RBFOX1: variants seen among roughly 807,000 people sequenced by gnomAD.
RBFOX1 encodes the protein RNA binding protein fox-1 homolog 1.
A neutral mutation model predicts 57.7 loss-of-function variants in RBFOX1; 8 were observed. The ratio of observed to expected loss-of-function variants is 0.14; its 90% CI spans 0.08 to 0.25. The LOEUF is 0.25. RBFOX1 is among the 10% of genes least tolerant of loss of function. The pLI, the probability that RBFOX1 is intolerant of heterozygous loss-of-function variation, is 1.00. For missense variants in RBFOX1, 611 were observed against 548.5 expected (o/e 1.11, Z -1.14); for synonymous variants, 326 against 222.4 (o/e 1.47, Z -4.15).
intron 4 of RBFOX1, among the ~76,000 whole-genome samples, chr16:7,258,435 T>G (rs1033149226): frequency 2.6e-5 from 4 of 152,206 alleles, no homozygotes; most frequent in African/African-American, 9.6e-5. Flanking sequence ...GTGCATTATT[T>G]GCCTGTTTCA....
At chr16:6,111,910 A>T (rs1171320783) in intron 1 of RBFOX1, among the ~76,000 whole-genome samples, 1 of 152,224 alleles carries the variant, frequency 6.6e-6, no homozygotes, top group Non-Finnish European at 1.5e-5. Context: ...CATATACAAT[A>T]CTTGGCTCAG....
intron 3 of RBFOX1, among the ~76,000 whole-genome samples, chr16:6,974,398 G>A (rs1053951387): frequency 7.9e-6 from 1 of 125,892 alleles, no homozygotes; most frequent in Admixed American, 9.6e-5. Flanking sequence ...AGGCTGGAGT[G>A]CAATGGTACA....
chr16:6,867,593 C>A (rs916204614), intron 3 of RBFOX1, among the ~76,000 whole-genome samples: 16 of 152,100 alleles, frequency 1.1e-4, no homozygotes, highest in Non-Finnish European at 1.8e-4. Flanking sequence ...GTGGTACCGG[C>A]CTGTAATCCC....
chr16:6,351,250 G>A (rs527540914), intron 2 of RBFOX1, among the ~76,000 whole-genome samples: 19 of 148,508 alleles, frequency 1.3e-4, no homozygotes, highest in Non-Finnish European at 1.8e-4. Context: ...ATGCATATGC[G>A]TTTGAATTGT....
chr16:7,243,834 G>T (rs1463032929), intron 4 of RBFOX1, among the ~76,000 whole-genome samples: 1 of 152,106 alleles, frequency 6.6e-6, no homozygotes. Flanking sequence ...AGAGGTATGA[G>T]CCACTGCATC....
At chr16:5,815,139 C>G (rs1261352808) in intron 3 of RBFOX1, among the ~76,000 whole-genome samples, 1 of 148,982 alleles carries the variant, frequency 6.7e-6, no homozygotes, top group Non-Finnish European at 1.5e-5. Context: ...ATCACCAGGC[C>G]TGGCTAATTT....
intron 4 of RBFOX1, among the ~76,000 whole-genome samples, chr16:5,955,118 T>TTAA (rs2059599305): frequency 3.5e-4 from 5 of 14,288 alleles, no homozygotes; most frequent in African/African-American, 1.8e-3. Context: ...CCATCTCTAC[T>TTAA]AAAAAAAAAA....
rs530257620 is a variant in RBFOX1 at position 6,223,071 on chromosome 16, G to A, written c.-126-93924G>A. Among the ~76,000 whole-genome samples the A allele has an allele frequency of 9.8e-3, 1,463 of 148,996 alleles. 19 individuals carry two copies. The highest frequency in any genetic ancestry group is 0.015 in the Non-Finnish European group (1,019 of 67,242). On this transcript the variant is annotated intron_variant, in intron 1 of 15. Transcript: ENST00000550418. ...CTGCATAGTATTCCATGGTGTATAT[G>A]TGCCACATTTTCTTAATCCAGTCTA...
intron 3 of RBFOX1, among the ~76,000 whole-genome samples, chr16:5,795,027 C>T (rs971449949): frequency 1.3e-5 from 2 of 152,208 alleles, no homozygotes; most frequent in Non-Finnish European, 2.9e-5. Context: ...AACTTTTCTT[C>T]TCCCCAGTTG....
At chr16:6,895,460 A>ATG (rs1567761468) in intron 3 of RBFOX1, among the ~76,000 whole-genome samples, 1 of 91,348 alleles carries the variant, frequency 1.1e-5, no homozygotes, top group African/African-American at 5.0e-5. Flanking sequence ...ATATATATAT[A>ATG]TATATATATA....
At chr16:7,227,882 A>G (rs2093248704) in intron 4 of RBFOX1, among the ~76,000 whole-genome samples, 3 of 152,110 alleles carry the variant, frequency 2.0e-5, no homozygotes, top group Admixed American at 2.0e-4. Context: ...CTTTAATGAT[A>G]TTAGCTCACG....
At chr16:5,755,440 A>G (rs1299451984) in intron 3 of RBFOX1, among the ~76,000 whole-genome samples, 2 of 152,142 alleles carry the variant, frequency 1.3e-5, no homozygotes, top group Non-Finnish European at 2.9e-5. Flanking sequence ...GTTCACACTG[A>G]TCTTCCTGAA....
intron 3 of RBFOX1, among the ~76,000 whole-genome samples, chr16:6,833,069 C>G (rs2092825258): frequency 6.6e-6 from 1 of 152,044 alleles, no homozygotes; most frequent in Non-Finnish European, 1.5e-5. Context: ...TCTTTTCCAC[C>G]TCATGGTCTT....
At chr16:5,353,423 C>T (rs1216495595) in intron 1 of RBFOX1, among the ~76,000 whole-genome samples, 1 of 152,028 alleles carries the variant, frequency 6.6e-6, no homozygotes, top group Admixed American at 6.5e-5. Context: ...CCAGCCCTCC[C>T]CTCTTCCTCC....
At position 7,306,578 on chromosome 16, in the gene RBFOX1, T is replaced by TGC. The variant is rs1186368970; in HGVS notation, c.28-211567_28-211566dup. Among the ~76,000 whole-genome samples the TGC allele has an allele frequency of 1.8e-3, 61 of 34,856 alleles. 1 individual carries two copies. The highest frequency in any genetic ancestry group is 0.012 in the Middle Eastern group (1 of 86). The allele number at this position is 34,856 out of a possible 152,430, so 22.9% of individuals were successfully genotyped here. On this transcript the variant is annotated intron_variant, in intron 4 of 15. Coordinates refer to ENST00000550418, the MANE Select transcript of RBFOX1 (RefSeq NM_018723.4). ...ACTATGACATAATGTGGGAATGGTG[T>TGC]GCGTGTGTGTGTGTGTGTGTGTGTG...
At chr16:6,050,980 G>A (rs147503113) in intron 1 of RBFOX1, among the ~76,000 whole-genome samples, 1 of 147,328 alleles carries the variant, frequency 6.8e-6, no homozygotes, top group Non-Finnish European at 1.5e-5. Context: ...CTTGTCTTTG[G>A]TGGCTTTCTT....
chr16:6,464,336 C>A (rs1378535160), intron 2 of RBFOX1, among the ~76,000 whole-genome samples: 1 of 152,098 alleles, frequency 6.6e-6, no homozygotes, highest in African/African-American at 2.4e-5. Context: ...AGATATACAG[C>A]TTTTATCAGC....
intron 2 of RBFOX1, among the ~76,000 whole-genome samples, chr16:6,430,989 T>A (rs907194823): frequency 3.1e-5 from 4 of 128,926 alleles, no homozygotes; most frequent in Admixed American, 7.7e-5. Context: ...AAAAAAAAAA[T>A]TAGCCAGGTG....
intron 2 of RBFOX1, among the ~76,000 whole-genome samples, chr16:5,577,931 A>G (rs2046523700): frequency 6.6e-6 from 1 of 150,976 alleles, no homozygotes; most frequent in Admixed American, 6.6e-5. Context: ...GAAGGAAATT[A>G]CAATTTGTAG....
Sources: allele counts gnomAD v4.1 joint callset (sites outside exome capture counted in the v4.1 genomes callset), GRCh38; gene constraint gnomAD v4.1.1; transcripts MANE v1.5; gene names NCBI Gene and HGNC (gene_info 2026-07-23, HGNC 2026-07-21).